ZNF69: variants seen among roughly 807,000 people sequenced by gnomAD.
ZNF69 encodes zinc finger protein 69.
A neutral mutation model predicts 50.9 loss-of-function variants in ZNF69; 47 were observed. The ratio of observed to expected loss-of-function variants is 0.92; its 90% CI spans 0.73 to 1.18. ZNF69 has a LOEUF of 1.18. Ranked by LOEUF, ZNF69 falls within the 50% of genes most tolerant of loss-of-function variation. The pLI, the probability that ZNF69 is intolerant of heterozygous loss-of-function variation, is 0.00. For missense variants in ZNF69, 717 were observed against 675.1 expected (o/e 1.06, Z -0.69); for synonymous variants, 216 against 223.1 (o/e 0.97, Z 0.29).
chr19:11,931,952 C>T, the ZNF69 span, among the ~76,000 whole-genome samples: 13 of 147,556 alleles, frequency 8.8e-5, 2 homozygotes, highest in African/African-American at 3.5e-4. Flanking sequence ...CCCATCTCTA[C>T]TAAAAACACA....
chr19:11,916,966 A>C (rs1291935051), downstream of ZNF69, among the ~76,000 whole-genome samples: 1 of 151,866 alleles, frequency 6.6e-6, no homozygotes, highest in Non-Finnish European at 1.5e-5. Context: ...ACTCGTCCTG[A>C]GTTGTATCCT....
At chr19:11,898,669 G>A (rs1336678687) in intron 1 of ZNF69, among the ~76,000 whole-genome samples, 3 of 151,992 alleles carry the variant, frequency 2.0e-5, no homozygotes, top group Non-Finnish European at 2.9e-5. Flanking sequence ...GATTACAGGC[G>A]TGAGCCACCA....
At chr19:11,931,754 A>G in the ZNF69 span, among the ~76,000 whole-genome samples, 37 of 148,168 alleles carry the variant, frequency 2.5e-4, 3 homozygotes, top group South Asian at 6.0e-3. Context: ...GTTTTTCAGT[A>G]TAAACTTTTT....
chr19:11,921,085 T>C, the ZNF69 span, among the ~76,000 whole-genome samples: 1 of 152,104 alleles, frequency 6.6e-6, no homozygotes, highest in Admixed American at 6.5e-5. Context: ...TTCTAATAAG[T>C]CTATATATTG....
chr19:11,892,232 G>C (rs1404738543), intron 1 of ZNF69, among the ~76,000 whole-genome samples: 1 of 147,858 alleles, frequency 6.8e-6, no homozygotes, highest in Non-Finnish European at 1.5e-5. Flanking sequence ...CTGCTTCCTT[G>C]GCCTCCAAAA....
chr19:11,916,460 TA>T (rs1356899500), downstream of ZNF69, among the ~76,000 whole-genome samples: 1 of 151,924 alleles, frequency 6.6e-6, no homozygotes, highest in Non-Finnish European at 1.5e-5. Flanking sequence ...ATGAAAAATA[TA>T]AAAATTAGCT....
At chr19:11,899,418 A>G (rs978595901) in intron 1 of ZNF69, among the ~76,000 whole-genome samples, 9 of 152,056 alleles carry the variant, frequency 5.9e-5, no homozygotes, top group African/African-American at 2.2e-4. Context: ...GTGAGCCACC[A>G]TGTCCGGCCA....
chr19:11,925,346 G>T, the ZNF69 span: 1 of 1,589,570 alleles, frequency 6.3e-7, no homozygotes, highest in East Asian at 2.3e-5. Flanking sequence ...GGCTGTGGCG[G>T]GACCCGGGCC....
downstream of ZNF69, among the ~76,000 whole-genome samples, chr19:11,917,492 A>G (rs931492860): frequency 9.3e-4 from 141 of 152,270 alleles, no homozygotes; most frequent in Non-Finnish European, 1.3e-3. Flanking sequence ...CCTAAGCTTG[A>G]AAATGTGTAA....
chr19:11,965,090 CAT>C, the ZNF69 span: 1 of 1,346,942 alleles, frequency 7.4e-7, no homozygotes, highest in Non-Finnish European at 1.1e-6. Flanking sequence ...CCGCTGTATC[CAT>C]CCCCGAGAGG....
chr19:11,975,761 C>A, the ZNF69 span, among the ~76,000 whole-genome samples: 1 of 152,138 alleles, frequency 6.6e-6, no homozygotes, highest in African/African-American at 2.4e-5. Context: ...TCCATTCAGT[C>A]ATCAGTGGAT....
At chr19:11,938,475 A>AT in the ZNF69 span, among the ~76,000 whole-genome samples, 1 of 152,090 alleles carries the variant, frequency 6.6e-6, no homozygotes, top group Non-Finnish European at 1.5e-5. Context: ...ATGAGTGAGA[A>AT]TATGCGGTGT....
intron 1 of ZNF69, among the ~76,000 whole-genome samples, chr19:11,897,778 A>T (rs1972157522): frequency 6.6e-6 from 1 of 150,962 alleles, no homozygotes. Flanking sequence ...AGGCTGAGGC[A>T]GGAGAATGGC....
chr19:11,904,606 C>T (rs747780684), intron 3 of ZNF69, 43 bp from the exon 4 acceptor site: 2 of 1,585,726 alleles, frequency 1.3e-6, no homozygotes, highest in South Asian at 2.3e-5. Context: ...TATAAAATTA[C>T]TTATAAACAA....
chr19:11,968,041 G>C, the ZNF69 span, among the ~76,000 whole-genome samples: 2 of 152,136 alleles, frequency 1.3e-5, no homozygotes, highest in Non-Finnish European at 2.9e-5. Flanking sequence ...ATACTTGCAG[G>C]CATCTTCAGG....
At chr19:11,962,185 G>T in the ZNF69 span, among the ~76,000 whole-genome samples, 3 of 152,168 alleles carry the variant, frequency 2.0e-5, no homozygotes, top group Admixed American at 1.3e-4. Context: ...GGGAGGCTGA[G>T]GGGGGTGGAT....
the ZNF69 span, among the ~76,000 whole-genome samples, chr19:11,932,185 A>G: frequency 5.4e-5 from 8 of 147,074 alleles, no homozygotes; most frequent in African/African-American, 1.9e-4. Context: ...AACCTTGTCT[A>G]TACAAAAACT....
chr19:11,950,179 T>G, the ZNF69 span: 1 of 1,613,806 alleles, frequency 6.2e-7, no homozygotes, highest in Non-Finnish European at 8.5e-7. Flanking sequence ...TTTTTCTTCC[T>G]TGCATATACA....
At chr19:11,937,237 TAGG>T in the ZNF69 span, among the ~76,000 whole-genome samples, 2 of 152,184 alleles carry the variant, frequency 1.3e-5, no homozygotes, top group African/African-American at 4.8e-5. Context: ...AATGATTCAT[TAGG>T]AGGTAGTTTT....
Sources: allele counts gnomAD v4.1 joint callset (sites outside exome capture counted in the v4.1 genomes callset), GRCh38; gene constraint gnomAD v4.1.1; transcripts MANE v1.5; gene names NCBI Gene and HGNC (gene_info 2026-07-23, HGNC 2026-07-21).